Variants in EBF3 observed in about 807,000 individuals in gnomAD.
The protein encoded by EBF3 is EBF transcription factor 3, also known as transcription factor COE3.
A neutral mutation model predicts 77.1 loss-of-function variants in EBF3; 18 were observed. That is an observed-to-expected ratio of 0.23 (90% CI 0.16 to 0.35). The LOEUF is 0.35. Among genes scored for constraint, EBF3 ranks in the 10% least tolerant of loss-of-function variants. The pLI is 1.00. For missense variants in EBF3, 558 were observed against 860.0 expected (o/e 0.65, Z 4.39); for synonymous variants, 350 against 343.5 (o/e 1.02, Z -0.21).
At position 129,923,296 on chromosome 10, in the gene EBF3, GGAT is replaced by G. The variant is rs1320073082; in HGVS notation, c.554+33959_554+33961del. On this transcript the variant is annotated intron_variant, in intron 6 of 16. Coordinates refer to ENST00000440978, the MANE Select transcript of EBF3 (RefSeq NM_001375380.1). Reference sequence around the variant, plus strand: ...CCTCAGGTCTAATTACTGTAAGCGGGGATGATGTAGACACTCAGTAAAACATAC... The same window carrying G: ...CCTCAGGTCTAATTACTGTAAGCGGGGATGTAGACACTCAGTAAAACATAC... Among the ~76,000 whole-genome samples, 4 of 152,210 alleles carry G rather than the reference GGAT, an allele frequency of 2.6e-5. No individual in the cohort carries two copies. In the East Asian group the frequency reaches 7.7e-4, roughly 29 times the overall value.
intron 6 of EBF3, among the ~76,000 whole-genome samples, chr10:129,945,205 C>T (rs1276072503): frequency 1.2e-4 from 16 of 130,262 alleles, no homozygotes; most frequent in African/African-American, 4.8e-4. Context: ...CTGGGGGGAT[C>T]TGGAGGCAGA....
In EBF3 at chr10:129,843,366, G is replaced by A. The variant is rs966973952; in HGVS notation, c.1129-164C>T. ...AAGGCAGGCACAGACAGGAAGGCAC[G>A]TGCGTGCTGACAACACTGTTTGTGG... On this transcript the variant is annotated intron_variant, in intron 11 of 16. Transcript: ENST00000440978. The A allele has an allele frequency of 3.5e-5, 22 of 635,386 alleles. 1 individual carries two copies. The highest frequency in any genetic ancestry group is 5.6e-5 in the East Asian group (2 of 35,818). The allele number at this position is 635,386 out of a possible 1,614,324, so 39.4% of individuals were successfully genotyped here.
At chr10:129,941,595 A>G (rs1176221551) in intron 6 of EBF3, among the ~76,000 whole-genome samples, 1 of 152,102 alleles carries the variant, frequency 6.6e-6, no homozygotes, top group East Asian at 1.9e-4. Context: ...TCCAGGCCCA[A>G]AGCGCTGGGC....
At chr10:129,849,580 C>G (rs2133985971) in intron 10 of EBF3, among the ~76,000 whole-genome samples, 1 of 152,314 alleles carries the variant, frequency 6.6e-6, no homozygotes. Flanking sequence ...AATAATTGGT[C>G]ACCGTTCTCG....
Position 129,928,300 on chromosome 10 carries a change from C to A in EBF3, c.554+28958G>T, listed in dbSNP as rs1589881731. Among the ~76,000 whole-genome samples the A allele has an allele frequency of 1.3e-5, 2 of 152,150 alleles. 1 individual carries two copies. Among genetic ancestry groups the A allele is most frequent in the East Asian group, 3.9e-4 (2 of 5,194 alleles). Reference sequence around the variant, plus strand: ...AAAAAATATAAAAATTAATTATAAACTCGCCAGCCAGAGCTAACCACAATT... The same window carrying A: ...AAAAAATATAAAAATTAATTATAAAATCGCCAGCCAGAGCTAACCACAATT... On this transcript the variant is annotated intron_variant, in intron 6 of 16. Coordinates refer to ENST00000440978, the MANE Select transcript of EBF3 (RefSeq NM_001375380.1).
chr10:129,838,993 C>A (rs1007315503), intron 16 of EBF3, 90 bp downstream of exon 16: 2 of 1,206,970 alleles, frequency 1.7e-6, no homozygotes, highest in Non-Finnish European at 2.2e-6. Flanking sequence ...GCTGATGGCA[C>A]GCAGGCCAGT....
intron 10 of EBF3, among the ~76,000 whole-genome samples, chr10:129,860,635 C>T (rs1349814110): frequency 1.3e-5 from 2 of 152,206 alleles, no homozygotes; most frequent in Non-Finnish European, 2.9e-5. Context: ...ACAAATGTGT[C>T]TTGTTAGCAA....
In EBF3 at chr10:129,957,368, C is replaced by T. The variant is rs368024376; in HGVS notation, c.486-42G>A. 8.7e-6 allele frequency: 13 copies of T among 1,502,452 alleles called. No homozygotes were observed. The East Asian group carries it at 2.1e-4, about 24-fold the overall frequency. 93.1% of individuals were successfully genotyped at this position (1,502,452 alleles called of 1,614,324 possible). ...AACAGTGGTTTTAATATGCATTTCCCCCTTTTATGCCCGACTTGTATTTTT... is the reference window on the plus strand; with the variant it reads ...AACAGTGGTTTTAATATGCATTTCCTCCTTTTATGCCCGACTTGTATTTTT... On this transcript the variant is annotated intron_variant, in intron 5 of 16. Transcript: ENST00000440978.
chr10:129,914,896 C>A (rs1368519597), intron 6 of EBF3, among the ~76,000 whole-genome samples: 1 of 152,196 alleles, frequency 6.6e-6, no homozygotes, highest in Non-Finnish European at 1.5e-5. Flanking sequence ...CACATCAAGT[C>A]TGGGAAAGCC....
intron 8 of EBF3, 48 bp from the exon 9 acceptor site, chr10:129,867,960 C>T (rs748873630): frequency 1.3e-6 from 2 of 1,599,530 alleles, no homozygotes; most frequent in Non-Finnish European, 1.7e-6. Flanking sequence ...CCGTCCTCCT[C>T]CGACGCTGGG....
At chr10:129,862,791 A>C (rs932756977) in intron 10 of EBF3, among the ~76,000 whole-genome samples, 3 of 152,182 alleles carry the variant, frequency 2.0e-5, no homozygotes, top group African/African-American at 7.2e-5. Flanking sequence ...ATCAAATAAC[A>C]CTGTAATGCT....
In EBF3 at chr10:129,935,698, C is replaced by T. The variant is rs1857311766; in HGVS notation, c.554+21560G>A. Among the ~76,000 whole-genome samples the T allele has an allele frequency of 6.6e-6, 1 of 152,226 alleles. No homozygotes were observed. Among genetic ancestry groups the T allele is most frequent in the African/African-American group, 2.4e-5 (1 of 41,454 alleles). On this transcript the variant is annotated intron_variant, in intron 6 of 16. Transcript: ENST00000440978. This position sits in a 1 kb window ranked among gnomAD's most constrained non-coding sequence, Gnocchi z 4.2. Reference sequence around the variant, plus strand: ...TCAGCCACCATTCCTCCTACGTCAGCACTGGGGAGTCCAGAGGCCAACCCC... The same window carrying T: ...TCAGCCACCATTCCTCCTACGTCAGTACTGGGGAGTCCAGAGGCCAACCCC...
chr10:129,917,230 G>A lies in EBF3; in HGVS notation c.555-39381C>T, dbSNP rs530007124. ...CTAAAAATACAAAAATTAGCTGGGC[G>A]TGGTGGCACACGCCTGTAGTCCCAG... is the stretch of plus-strand genomic sequence containing the variant. On this transcript the variant is annotated intron_variant, in intron 6 of 16. Coordinates refer to ENST00000440978, the MANE Select transcript of EBF3 (RefSeq NM_001375380.1). 5.9e-5 allele frequency among the ~76,000 whole-genome samples: 9 copies of A among 152,222 alleles called. No homozygotes were observed. The South Asian group carries it at 1.5e-3, about 25-fold the overall frequency.
rs1433251542 is a variant in EBF3 at position 129,863,119 on chromosome 10, C to A, written c.1039+4022G>T. ...TAGAAGGCAATTTACTATTAACTGGCAATTACATACAGAGTGATTGTTAAT... is the reference window on the plus strand; with the variant it reads ...TAGAAGGCAATTTACTATTAACTGGAAATTACATACAGAGTGATTGTTAAT... On this transcript the variant is annotated intron_variant, in intron 10 of 16. Transcript: ENST00000440978. The surrounding 1 kb of genome is among the most constrained non-coding windows in gnomAD (Gnocchi z 4.0). 6.6e-6 allele frequency among the ~76,000 whole-genome samples: 1 copy of A among 152,186 alleles called. No homozygotes were observed. Among genetic ancestry groups the A allele is most frequent in the African/African-American group, 2.4e-5 (1 of 41,450 alleles).
intron 8 of EBF3, among the ~76,000 whole-genome samples, chr10:129,869,318 C>T (rs2134088687): frequency 6.6e-6 from 1 of 152,290 alleles, no homozygotes; most frequent in Middle Eastern, 3.4e-3. Context: ...CTCACAGCAA[C>T]CTCGAGGGCT....
rs1324998336 is a variant in EBF3 at position 129,952,516 on chromosome 10, T to C, written c.554+4742A>G. On this transcript the variant is annotated intron_variant, in intron 6 of 16. Coordinates refer to ENST00000440978, the MANE Select transcript of EBF3 (RefSeq NM_001375380.1). This position sits in a 1 kb window ranked among gnomAD's most constrained non-coding sequence, Gnocchi z 4.7. Reference sequence around the variant, plus strand: ...CCCTTTTTGCAGATCCTCATTTACATAGCATTTTTAACAAAAGCGTTGACC... The same window carrying C: ...CCCTTTTTGCAGATCCTCATTTACACAGCATTTTTAACAAAAGCGTTGACC... Among the ~76,000 whole-genome samples the C allele has an allele frequency of 4.6e-5, 7 of 152,242 alleles. No homozygotes were observed. Among genetic ancestry groups the C allele is most frequent in the African/African-American group, 1.4e-4 (6 of 41,466 alleles).
intron 6 of EBF3, among the ~76,000 whole-genome samples, chr10:129,945,342 G>A (rs74827510): frequency 1.2e-3 from 187 of 152,214 alleles, no homozygotes; most frequent in African/African-American, 4.3e-3. Context: ...AAGATAACTC[G>A]GGAGAACCCT....
chr10:129,884,869 T>A (rs1480852261), intron 6 of EBF3, among the ~76,000 whole-genome samples: 1 of 152,250 alleles, frequency 6.6e-6, no homozygotes, highest in African/African-American at 2.4e-5. Flanking sequence ...AGCCCGTCTC[T>A]AGTGGACTCC....
At chr10:129,942,085 C>T (rs541241886) in intron 6 of EBF3, among the ~76,000 whole-genome samples, 31 of 152,324 alleles carry the variant, frequency 2.0e-4, no homozygotes, top group East Asian at 5.8e-4. Context: ...CAGGGAGCCC[C>T]GCCTCACCCA....
Sources: gnomAD v4.1 joint callset for allele counts (sites outside exome capture counted in the v4.1 genomes callset) on GRCh38, gnomAD v4.1.1 for gene constraint, Gnocchi (gnomAD v3.1) non-coding constraint, MANE v1.5 for transcripts, NCBI Gene and HGNC (gene_info 2026-07-23, HGNC 2026-07-21) for gene names.